PARP11: variants seen among roughly 807,000 people sequenced by gnomAD.
PARP11 encodes poly(ADP-ribose) polymerase family member 11, also known as protein mono-ADP-ribosyltransferase PARP11.
A neutral mutation model predicts 42.9 loss-of-function variants in PARP11; 31 were observed. That is an observed-to-expected ratio of 0.72 (90% confidence interval 0.54 to 0.98). The LOEUF (loss-of-function observed/expected upper bound fraction) is 0.98, where lower values mean the gene tolerates loss of function less well. Among genes scored for constraint, PARP11 ranks in the 50% least tolerant of loss-of-function variants. The pLI, the probability that PARP11 is intolerant of heterozygous loss-of-function variation, is 0.00. For synonymous variants in PARP11, 137 were observed against 127.3 expected, an observed-to-expected ratio of 1.08 and a Z score of -0.51; for missense variants, 365 against 413.1, an observed-to-expected ratio of 0.88 and a Z score of 1.01.
At chr12:3,849,232 C>T (rs1948051828) in intron 1 of PARP11, among the ~76,000 whole-genome samples, 1 of 151,790 alleles carries the variant, frequency 6.6e-6, no homozygotes, top group South Asian at 2.1e-4. Flanking sequence ...TAAGAACAGT[C>T]ACCATGGAAA....
chr12:3,850,612 C>T (rs1161149963), intron 1 of PARP11, among the ~76,000 whole-genome samples: 1 of 152,134 alleles, frequency 6.6e-6, no homozygotes, highest in Non-Finnish European at 1.5e-5. Context: ...CACAATGCCC[C>T]ACAAGAGGCC....
intron 4 of PARP11, among the ~76,000 whole-genome samples, chr12:3,825,588 G>A (rs553292083): frequency 6.6e-6 from 1 of 152,076 alleles, no homozygotes; most frequent in East Asian, 1.9e-4. Context: ...AAGGCATTTT[G>A]TAACTGCAAA....
At chr12:3,851,290 C>T (rs557427208) in intron 1 of PARP11, among the ~76,000 whole-genome samples, 323 of 152,260 alleles carry the variant, frequency 2.1e-3, no homozygotes, top group Non-Finnish European at 3.2e-3. Flanking sequence ...GAGGGCAAGC[C>T]GAAGAAGGGC....
chr12:3,862,084 A>G (rs1020111295), intron 1 of PARP11, among the ~76,000 whole-genome samples: 1 of 152,106 alleles, frequency 6.6e-6, no homozygotes, highest in Non-Finnish European at 1.5e-5. Context: ...ACATGAAAAG[A>G]TGTTCAACAT....
intron 7 of PARP11, 117 bp from the exon 8 acceptor site, chr12:3,812,556 G>T: frequency 1.4e-6 from 1 of 717,578 alleles, no homozygotes; most frequent in Non-Finnish European, 2.3e-6. Flanking sequence ...AATAGATGTG[G>T]AATTTCCTCA....
At chr12:3,844,240 G>A (rs1947953761) in intron 1 of PARP11, among the ~76,000 whole-genome samples, 1 of 152,302 alleles carries the variant, frequency 6.6e-6, no homozygotes, top group South Asian at 2.1e-4. Flanking sequence ...ATGGTGCTAG[G>A]TAAAAAATTG....
intron 1 of PARP11, among the ~76,000 whole-genome samples, chr12:3,836,695 A>T (rs1323212252): frequency 6.6e-6 from 1 of 152,186 alleles, no homozygotes; most frequent in Non-Finnish European, 1.5e-5. Context: ...AAAACCAAAA[A>T]CAAATACACA....
intron 1 of PARP11, among the ~76,000 whole-genome samples, chr12:3,830,567 TAC>T (rs1947618243): frequency 6.6e-6 from 1 of 152,226 alleles, no homozygotes; most frequent in Admixed American, 6.5e-5. Flanking sequence ...TGTAAATGTT[TAC>T]ACACATATAT....
chr12:3,859,284 G>C (rs1388010544), intron 1 of PARP11, among the ~76,000 whole-genome samples: 2 of 151,868 alleles, frequency 1.3e-5, no homozygotes, highest in Non-Finnish European at 2.9e-5. Flanking sequence ...GGCAGATGTA[G>C]GCCGGTGCAG....
intron 6 of PARP11, among the ~76,000 whole-genome samples, chr12:3,815,378 T>C (rs1947264801): frequency 6.6e-6 from 1 of 152,218 alleles, no homozygotes; most frequent in Admixed American, 6.5e-5. Context: ...TATTGATTGG[T>C]CTTAGTTATT....
intron 1 of PARP11, chr12:3,832,194 T>C (rs765641605): frequency 1.3e-4 from 94 of 702,780 alleles, no homozygotes; most frequent in Non-Finnish European, 1.6e-4. Flanking sequence ...TAAATCGCTT[T>C]GGGTGGGACA....
intron 1 of PARP11, chr12:3,841,767 C>T (rs1462695778): frequency 2.5e-6 from 4 of 1,612,446 alleles, no homozygotes; most frequent in Non-Finnish European, 3.4e-6. Context: ...GGCATGGGTA[C>T]CCTTTTCAGG....
intron 1 of PARP11, among the ~76,000 whole-genome samples, chr12:3,867,884 C>T (rs986975894): frequency 6.6e-6 from 1 of 152,198 alleles, no homozygotes; most frequent in African/African-American, 2.4e-5. Flanking sequence ...TGAAAGAGCA[C>T]AAGATATAAT....
chr12:3,846,756 TAAAAAA>T (rs760915174), intron 1 of PARP11, among the ~76,000 whole-genome samples: 2 of 101,024 alleles, frequency 2.0e-5, no homozygotes, highest in Non-Finnish European at 4.0e-5. Flanking sequence ...GACTCCGTCT[TAAAAAA>T]AAAAAAAAAG....
chr12:3,872,829 G>A, intron 1 of PARP11: 6 of 985,012 alleles, frequency 6.1e-6, no homozygotes, highest in South Asian at 4.7e-5. Flanking sequence ...GGGAGGCTGA[G>A]GCACGACAAT....
At chr12:3,838,404 G>T (rs1366488116) in intron 1 of PARP11, among the ~76,000 whole-genome samples, 2 of 152,040 alleles carry the variant, frequency 1.3e-5, no homozygotes, top group African/African-American at 2.4e-5. Flanking sequence ...TAAAGCAAAT[G>T]AAAGTGGAGA....
chr12:3,845,226 G>A (rs1947974968), intron 1 of PARP11, among the ~76,000 whole-genome samples: 2 of 152,262 alleles, frequency 1.3e-5, no homozygotes, highest in South Asian at 2.1e-4. Flanking sequence ...TTGGCAGCAG[G>A]ATGCTGGCAT....
chr12:3,872,482 C>A, intron 1 of PARP11: 1 of 983,070 alleles, frequency 1.0e-6, no homozygotes, highest in Non-Finnish European at 1.2e-6. Context: ...GCAAAGTAGA[C>A]AAAGACACAT....
At chr12:3,817,041 A>G (rs1947303545) in intron 6 of PARP11, among the ~76,000 whole-genome samples, 1 of 152,008 alleles carries the variant, frequency 6.6e-6, no homozygotes, top group Non-Finnish European at 1.5e-5. Context: ...AATACAAAAA[A>G]TTAGCCAGGC....
Sources: allele counts gnomAD v4.1 joint callset (sites outside exome capture counted in the v4.1 genomes callset), GRCh38; gene constraint gnomAD v4.1.1; transcripts MANE v1.5; gene names NCBI Gene and HGNC (gene_info 2026-07-23, HGNC 2026-07-21).